The following PLCZ1 variants were observed in gnomAD, a reference collection of about 807,000 sequenced individuals.
PLCZ1 encodes 1-phosphatidylinositol 4,5-bisphosphate phosphodiesterase zeta-1.
Under a neutral mutation model 76.8 loss-of-function variants are expected in PLCZ1, and 64 were observed. The ratio of observed to expected loss-of-function variants is 0.83; its 90% confidence interval spans 0.68 to 1.03. The LOEUF (loss-of-function observed/expected upper bound fraction) is 1.03. Among genes scored for constraint, PLCZ1 ranks in the 50% least tolerant of loss-of-function variants. The pLI is 0.00. For synonymous variants in PLCZ1, 248 were observed against 230.8 expected, an observed-to-expected ratio of 1.07 and a Z score of -0.68; for missense variants, 751 against 713.7, an observed-to-expected ratio of 1.05 and a Z score of -0.60.
chr12:18,708,197 A>C (rs1221648574), intron 6 of PLCZ1, among the ~76,000 whole-genome samples: 1 of 152,146 alleles, frequency 6.6e-6, no homozygotes, highest in Admixed American at 6.5e-5. Context: ...CGTTCCTGTC[A>C]ACCACTGTTT....
intron 7 of PLCZ1, 31 bp from the exon 8 acceptor site, chr12:18,701,807 A>T: frequency 6.4e-7 from 1 of 1,573,136 alleles, no homozygotes; most frequent in Non-Finnish European, 8.6e-7. Context: ...ATACAATTAC[A>T]CATTTACAAG....
At chr12:18,693,718 C>A in intron 12 of PLCZ1, 1 of 1,552,834 alleles carries the variant, frequency 6.4e-7, no homozygotes, top group Non-Finnish European at 8.9e-7. Flanking sequence ...AACTGCTGAA[C>A]CAGTTGGATG....
At chr12:18,646,370 G>A in the PLCZ1 span, among the ~76,000 whole-genome samples, 10 of 152,244 alleles carry the variant, frequency 6.6e-5, no homozygotes, top group African/African-American at 2.4e-4. Flanking sequence ...TGGAAGAAGA[G>A]GTAGCCAAGA....
chr12:18,679,279 G>A (rs1952210825), downstream of PLCZ1, among the ~76,000 whole-genome samples: 1 of 151,906 alleles, frequency 6.6e-6, no homozygotes. Flanking sequence ...TCAAAAGGCA[G>A]AAGTTCTTTT....
intron 3 of PLCZ1, among the ~76,000 whole-genome samples, chr12:18,727,891 C>A (rs1958842428): frequency 6.6e-6 from 1 of 151,978 alleles, no homozygotes; most frequent in Non-Finnish European, 1.5e-5. Context: ...GGTCTGAGGA[C>A]CACAATAAGT....
At chr12:18,665,732 C>G in the PLCZ1 span, among the ~76,000 whole-genome samples, 1 of 151,894 alleles carries the variant, frequency 6.6e-6, no homozygotes, top group African/African-American at 2.4e-5. Flanking sequence ...GTCAGGAGAT[C>G]GAGACCATCC....
In PLCZ1 at chr12:18,705,241, A is replaced by T; in HGVS notation, c.789T>A (p.Asn263Lys). 1 of 1,614,076 alleles carries T rather than the reference A, an allele frequency of 6.2e-7. No individual in the cohort carries two copies. Among genetic ancestry groups the T allele is most frequent in the South Asian group, 1.1e-5 (1 of 91,076 alleles). Reference protein sequence around the residue: ...STAQQEVMADNLQATFGESLL... With the variant: ...STAQQEVMADKLQATFGESLL... ...AGGACTCTCCAAAAGTAGCCTGCAA[A>T]TTGTCTGCCATTACTTCTTGTTGGG... The change falls in exon 7 of 15, where the codon AAT becomes AAA. Residue 263 changes from asparagine to lysine, a missense_variant. By Grantham distance (94) the Asn-to-Lys change is moderately conservative. Coordinates refer to ENST00000266505, the MANE Select transcript of PLCZ1 (RefSeq NM_033123.4).
At chr12:18,714,508 A>C (rs959609670) in intron 5 of PLCZ1, 3 of 152,244 alleles carry the variant, frequency 2.0e-5, no homozygotes, top group African/African-American at 7.2e-5. Context: ...CTAAAACGCG[A>C]TCTTGGAAGA....
chr12:18,677,121 G>C, the PLCZ1 span, among the ~76,000 whole-genome samples: 1 of 152,090 alleles, frequency 6.6e-6, no homozygotes, highest in East Asian at 1.9e-4. Context: ...ATGTAGAAAA[G>C]GGGAGTCTGT....
chr12:18,700,663 T>A (rs576187733), intron 9 of PLCZ1, among the ~76,000 whole-genome samples: 1 of 152,160 alleles, frequency 6.6e-6, no homozygotes, highest in African/African-American at 2.4e-5. Flanking sequence ...AGAATTGAAG[T>A]TCTGCTGACT....
At chr12:18,681,856 T>A (rs1952448005), downstream of PLCZ1, among the ~76,000 whole-genome samples, 1 of 152,032 alleles carries the variant, frequency 6.6e-6, no homozygotes, top group African/African-American at 2.4e-5. Context: ...CACTGCAGAA[T>A]TAATGAACTC....
At chr12:18,705,919 G>T (rs762815871) in intron 6 of PLCZ1, among the ~76,000 whole-genome samples, 1 of 150,266 alleles carries the variant, frequency 6.7e-6, no homozygotes, top group Non-Finnish European at 1.5e-5. Context: ...ATAAAGGAAT[G>T]ATATAGACCA....
the PLCZ1 span, among the ~76,000 whole-genome samples, chr12:18,653,712 T>A: frequency 6.6e-6 from 1 of 152,128 alleles, no homozygotes; most frequent in Non-Finnish European, 1.5e-5. Context: ...AGACTCTGAG[T>A]TTAATAATTA....
the PLCZ1 span, among the ~76,000 whole-genome samples, chr12:18,662,845 T>C: frequency 6.6e-6 from 1 of 151,862 alleles, no homozygotes; most frequent in African/African-American, 2.4e-5. Context: ...AAAATGCACA[T>C]AGAATAAAAA....
At chr12:18,716,004 C>T (rs893681322) in intron 5 of PLCZ1, among the ~76,000 whole-genome samples, 1 of 152,228 alleles carries the variant, frequency 6.6e-6, no homozygotes, top group African/African-American at 2.4e-5. Flanking sequence ...GTTCTAAATT[C>T]GGCTACATTT....
the PLCZ1 span, among the ~76,000 whole-genome samples, chr12:18,650,331 C>G: frequency 1.1e-5 from 1 of 91,986 alleles, no homozygotes; most frequent in Non-Finnish European, 2.1e-5. Context: ...CTCTCTCTCT[C>G]TATATATATA....
intron 6 of PLCZ1, among the ~76,000 whole-genome samples, chr12:18,706,696 T>G (rs578053610): frequency 1.3e-5 from 2 of 152,338 alleles, no homozygotes; most frequent in African/African-American, 2.4e-5. Flanking sequence ...TTTACCAATT[T>G]GTAAACAAGC....
chr12:18,718,518 T>G (rs543745159), intron 5 of PLCZ1, among the ~76,000 whole-genome samples: 1 of 152,256 alleles, frequency 6.6e-6, no homozygotes, highest in South Asian at 2.1e-4. Context: ...TTGACTTGTC[T>G]CTAGCCACAT....
At position 18,701,503 on chromosome 12, in the gene PLCZ1, T is replaced by A; in HGVS notation, c.1015A>T (p.Lys339Ter). 6.2e-7 allele frequency: 1 copy of A among 1,614,104 alleles called. No individual in the cohort carries two copies. Among genetic ancestry groups the A allele is most frequent in the Non-Finnish European group, 8.5e-7 (1 of 1,180,006 alleles). ...LPGVMLFKKK[K>*]TRKLKIALAL... is the part of the protein sequence containing the mutation. ...ATTTTCACAAAACACCACCTCACCT[T>A]CTTTTTCTTGAAAAGCATTACTCCA... Residue 339 changes from lysine to a stop codon, truncating the protein, a stop_gained and splice_region_variant, in exon 9 of 15, where the codon AAG becomes TAG. Transcript: ENST00000266505. LOFTEE classifies it high-confidence loss of function.
Sources: allele counts gnomAD v4.1 joint callset (sites outside exome capture counted in the v4.1 genomes callset), GRCh38; gene constraint gnomAD v4.1.1; transcripts MANE v1.5; gene names NCBI Gene and HGNC (gene_info 2026-07-23, HGNC 2026-07-21).